The following WDR36 variants were observed in gnomAD, a reference collection of about 807,000 sequenced individuals.
WDR36 encodes WD repeat-containing protein 36.
Under a neutral mutation model 112.7 loss-of-function variants are expected in WDR36, and 63 were observed. The observed-to-expected ratio is 0.56, with a 90% CI of 0.46 to 0.69. The LOEUF is 0.69. WDR36 is among the 30% of genes least tolerant of loss of function. The pLI, the probability that WDR36 is intolerant of heterozygous loss-of-function variation, is 0.00. For synonymous variants in WDR36, 410 were observed against 362.2 expected (o/e 1.13, Z -1.50); for missense variants, 1,226 against 1,070.3 (o/e 1.15, Z -2.03).
intron 4 of WDR36, among the ~76,000 whole-genome samples, chr5:111,100,057 A>G (rs951551550): frequency 3.4e-5 from 5 of 147,760 alleles, no homozygotes; most frequent in Non-Finnish European, 7.6e-5. Context: ...ACAGGGTTAT[A>G]CGTTTTTTTT....
At position 111,128,431 on chromosome 5, in the gene WDR36, C is replaced by G. The variant is rs1753719176; in HGVS notation, c.*1548C>G. The G allele has an allele frequency of 5.5e-6, 1 of 181,852 alleles. No homozygotes were observed. Among genetic ancestry groups the G allele is most frequent in the Non-Finnish European group, 1.2e-5 (1 of 85,176 alleles). 11.3% of individuals were successfully genotyped at this position (181,852 alleles called of 1,614,324 possible). A position where few individuals can be genotyped will look rare whatever the true frequency, so the allele number is the denominator to read the frequency against. ...AATGTGTATTGACTTATTAAAGCCA[C>G]TGACAGAAATGTTAATCATGACTTA... On this transcript the variant is annotated 3_prime_UTR_variant, in exon 23 of 23. Coordinates refer to ENST00000513710, the MANE Select transcript of WDR36 (RefSeq NM_139281.3).
intron 13 of WDR36, 31 bp from the exon 14 acceptor site, chr5:111,110,757 T>C: frequency 6.8e-7 from 1 of 1,479,546 alleles, no homozygotes; most frequent in Non-Finnish European, 9.1e-7. Flanking sequence ...CCAATTCTGA[T>C]TTTTTTTTTC....
At position 111,097,161 on chromosome 5, in the gene WDR36, A is replaced by G. The variant is rs1399606632; in HGVS notation, c.273A>G (p.Ala91=). 2 of 1,613,370 alleles carry G rather than the reference A, an allele frequency of 1.2e-6. No homozygotes were observed. The highest frequency in any genetic ancestry group is 2.2e-5 in the South Asian group (2 of 91,070). Residue 91 remains alanine (A), a synonymous_variant, in exon 3 of 23, where the codon GCA becomes GCG. Transcript: ENST00000513710. ...CTGCTTATGGAAATGTTTTCTCTGC[A>G]TTTGCCCGTAATAAAGAGGTTGGTA... ...VFAAYGNVFS[A]FARNKEIVHT... is the part of the protein sequence containing the mutation.
At chr5:111,120,947 G>T (rs766912749) in intron 18 of WDR36, 49 bp from the exon 19 acceptor site, 12 of 1,487,768 alleles carry the variant, frequency 8.1e-6, no homozygotes, top group Middle Eastern at 2.0e-4. Flanking sequence ...GAATTAAGTT[G>T]CTTTTATATG....
intron 1 of WDR36, among the ~76,000 whole-genome samples, chr5:111,093,211 A>C (rs1027343518): frequency 6.6e-6 from 1 of 152,212 alleles, no homozygotes; most frequent in Non-Finnish European, 1.5e-5. Flanking sequence ...AGTAAATTTC[A>C]GATAAATCAC....
chr5:111,103,191 T>C (rs920808798), intron 6 of WDR36, among the ~76,000 whole-genome samples: 1 of 151,750 alleles, frequency 6.6e-6, no homozygotes, highest in African/African-American at 2.4e-5. Context: ...TATAATGATA[T>C]TGGACATTGA....
chr5:111,120,742 C>G, intron 18 of WDR36, 149 bp downstream of exon 18: 1 of 776,952 alleles, frequency 1.3e-6, no homozygotes, highest in South Asian at 1.6e-5. Flanking sequence ...TGAATTTATG[C>G]AAAAATATAA....
At chr5:111,105,486 G>A (rs1352635946) in intron 10 of WDR36, 126 bp downstream of exon 10, 2 of 841,868 alleles carry the variant, frequency 2.4e-6, no homozygotes, top group Admixed American at 4.1e-5. Flanking sequence ...AAACATGTAT[G>A]GAAGAGGTAG....
chr5:111,095,460 G>T lies in WDR36; in HGVS notation c.190+513G>T, dbSNP rs547170361. Reference sequence around the variant, plus strand: ...TGTAAATATCTTAGTACTCTTCAAAGTTATTACCTGCTGCTTTTATATTTT... The same window carrying T: ...TGTAAATATCTTAGTACTCTTCAAATTTATTACCTGCTGCTTTTATATTTT... On this transcript the variant is annotated intron_variant, in intron 2 of 22. Transcript: ENST00000513710. Among the ~76,000 whole-genome samples, 3 of 152,294 alleles carry T rather than the reference G, an allele frequency of 2.0e-5. No individual in the cohort carries two copies. In the South Asian group the frequency reaches 6.2e-4, roughly 32 times the overall value.
At chr5:111,114,865 AG>A (rs984031200) in intron 16 of WDR36, among the ~76,000 whole-genome samples, 2 of 152,130 alleles carry the variant, frequency 1.3e-5, no homozygotes, top group Admixed American at 1.3e-4. Context: ...TAATAGTTTT[AG>A]TTTATATTAG....
In WDR36 at chr5:111,110,969, T is replaced by C; in HGVS notation, c.1607+16T>C. 6.2e-7 allele frequency: 1 copy of C among 1,610,238 alleles called. No individual in the cohort carries two copies. On this transcript the variant is annotated intron_variant, in intron 14 of 22. Transcript: ENST00000513710. ...ATAGGGACAGGTAAACTTTTAATGA[T>C]AATGGATTTTCTCTTTGATTCTTTT...
intron 1 of WDR36, 90 bp from the exon 2 acceptor site, chr5:111,094,830 A>G (rs905403104): frequency 2.9e-6 from 3 of 1,035,356 alleles, no homozygotes; most frequent in Non-Finnish European, 4.4e-6. Context: ...TAGCAAATAT[A>G]CGTATGAGGT....
chr5:111,124,489 T>C (rs1753636382), intron 21 of WDR36, among the ~76,000 whole-genome samples: 1 of 152,142 alleles, frequency 6.6e-6, no homozygotes, highest in South Asian at 2.1e-4. Context: ...CTTCTTGTTG[T>C]GAATTAAATG....
At chr5:111,106,391 C>T (rs1753222621) in intron 11 of WDR36, among the ~76,000 whole-genome samples, 1 of 151,274 alleles carries the variant, frequency 6.6e-6, no homozygotes, top group Admixed American at 6.6e-5. Flanking sequence ...GATTTTATAG[C>T]CTTTTTATTC....
In WDR36 at chr5:111,125,850, A is replaced by G. The variant is rs1053770348; in HGVS notation, c.2538+55A>G. The G allele has an allele frequency of 1.0e-5, 16 of 1,594,276 alleles. No individual in the cohort carries two copies. In the African/African-American group the frequency reaches 1.3e-4, roughly 13 times the overall value. On this transcript the variant is annotated intron_variant, in intron 22 of 22. Coordinates refer to ENST00000513710, the MANE Select transcript of WDR36 (RefSeq NM_139281.3). ...GCTTGTCTTCTTCTGGGGCAGTGCT[A>G]TCTAACAGAACTTTCTGCAAAGATG... is the stretch of plus-strand genomic sequence containing the variant.
chr5:111,100,870 AG>A, intron 5 of WDR36, 149 bp downstream of exon 5: 1 of 670,040 alleles, frequency 1.5e-6, no homozygotes, highest in Non-Finnish European at 2.4e-6. Context: ...GTATCAGAGG[AG>A]TCAATTAACC....
chr5:111,107,761 A>T (rs111428862), intron 12 of WDR36, among the ~76,000 whole-genome samples: 2 of 151,212 alleles, frequency 1.3e-5, no homozygotes, highest in Admixed American at 1.3e-4. Context: ...CCATTGAAAG[A>T]TCTTGTTTCC....
chr5:111,124,506 TTTTG>T (rs1401133334), intron 21 of WDR36, among the ~76,000 whole-genome samples: 1 of 152,116 alleles, frequency 6.6e-6, no homozygotes, highest in African/African-American at 2.4e-5. Context: ...AATGTAAAAG[TTTTG>T]TTTGTCGTTT....
rs116166244 is a variant in WDR36 at position 111,128,085 on chromosome 5, G to C, written c.*1202G>C. On this transcript the variant is annotated 3_prime_UTR_variant, in exon 23 of 23. Transcript: ENST00000513710. ...TTGTTTTGTTTTTTTTATGGTTCAA[G>C]ACTTTTGCAATACATGAATTAAAAA... The C allele has an allele frequency of 0.012, 2,376 of 194,122 alleles. 24 individuals carry two copies. Among genetic ancestry groups the C allele is most frequent in the Non-Finnish European group, 0.019 (1,756 of 93,264 alleles). 12.0% of individuals were successfully genotyped at this position (194,122 alleles called of 1,614,324 possible). A position where few individuals can be genotyped will look rare whatever the true frequency, so the allele number is the denominator to read the frequency against.
Sources: allele counts gnomAD v4.1 joint callset (sites outside exome capture counted in the v4.1 genomes callset), GRCh38; gene constraint gnomAD v4.1.1; transcripts MANE v1.5; gene names NCBI Gene and HGNC (gene_info 2026-07-23, HGNC 2026-07-21).